The following CPVL variants were observed in gnomAD, a reference collection of about 807,000 sequenced individuals.
CPVL encodes the protein probable serine carboxypeptidase CPVL.
CPVL carries 51 observed loss-of-function variants against 63.7 expected under a neutral mutation model. That is an observed-to-expected ratio of 0.80 (90% confidence interval 0.64 to 1.01). The LOEUF is 1.01. Among genes scored for constraint, CPVL ranks in the 50% least tolerant of loss-of-function variants. The pLI is 0.00. For missense variants in CPVL, 530 were observed against 573.1 expected (o/e 0.92, Z 0.77); for synonymous variants, 195 against 206.0 (o/e 0.95, Z 0.46).
chr7:29,021,592 A>G (rs1476669376), intron 12 of CPVL, among the ~76,000 whole-genome samples: 1 of 152,118 alleles, frequency 6.6e-6, no homozygotes, highest in African/African-American at 2.4e-5. Flanking sequence ...AGAGATTCCC[A>G]GCAGTCAGCA....
At chr7:29,119,078 C>G (rs1789072966) in intron 2 of CPVL, among the ~76,000 whole-genome samples, 1 of 152,240 alleles carries the variant, frequency 6.6e-6, no homozygotes, top group African/African-American at 2.4e-5. Context: ...CTGCTCTTTG[C>G]AAACAGCTCC....
At chr7:29,034,848 T>C (rs1486971807) in intron 11 of CPVL, among the ~76,000 whole-genome samples, 1 of 98,614 alleles carries the variant, frequency 1.0e-5, no homozygotes, top group Admixed American at 9.9e-5. Context: ...AATGCTTTTA[T>C]AATGGAAAAA....
chr7:29,123,719 TCC>T (rs58339273), intron 1 of CPVL, among the ~76,000 whole-genome samples: 2,619 of 132,748 alleles, frequency 0.02, 109 homozygotes, highest in African/African-American at 0.071. Flanking sequence ...TTTTTTTTTT[TCC>T]CCTGGGGACA....
intron 7 of CPVL, among the ~76,000 whole-genome samples, chr7:29,082,169 C>T (rs1784787522): frequency 6.6e-6 from 1 of 150,988 alleles, no homozygotes; most frequent in Non-Finnish European, 1.5e-5. Context: ...TGTGTGGTGG[C>T]AGCAGCGAGA....
chr7:29,074,335 G>C lies in CPVL; in HGVS notation c.610-1912C>G, dbSNP rs535597595. Among the ~76,000 whole-genome samples the C allele has an allele frequency of 6.6e-5, 10 of 152,274 alleles. No individual in the cohort carries two copies. The South Asian group carries it at 2.1e-3, about 32-fold the overall frequency. On this transcript the variant is annotated intron_variant, in intron 7 of 12. Coordinates refer to ENST00000265394, the MANE Select transcript of CPVL (RefSeq NM_031311.5). Reference sequence around the variant, plus strand: ...GCTTCCTTGTGTAATATAAAGGTGTGTTCATATGTCTGAAATTTGGTTTGT... The same window carrying C: ...GCTTCCTTGTGTAATATAAAGGTGTCTTCATATGTCTGAAATTTGGTTTGT...
Position 29,112,689 on chromosome 7 carries a change from C to G in CPVL, c.288+15G>C, listed in dbSNP as rs752889555. 8 of 1,569,164 alleles carry G rather than the reference C, an allele frequency of 5.1e-6. No homozygotes were observed. The African/African-American group carries it at 8.1e-5, about 16-fold the overall frequency. On this transcript the variant is annotated intron_variant, in intron 3 of 12. Coordinates refer to ENST00000265394, the MANE Select transcript of CPVL (RefSeq NM_031311.5). ...CAGGTCTTGAACACTGGTGTTCTTT[C>G]TGTTGGGCACCTACCTGAGCTGGGA...
At chr7:29,188,541 T>A (rs535088624) in intron 1 of CPVL, among the ~76,000 whole-genome samples, 118 of 151,904 alleles carry the variant, frequency 7.8e-4, no homozygotes, top group South Asian at 8.3e-4. Flanking sequence ...ATTTTTTTTT[T>A]AAAAAAAAGA....
At chr7:29,023,386 G>C (rs1396779661) in intron 12 of CPVL, among the ~76,000 whole-genome samples, 1 of 152,140 alleles carries the variant, frequency 6.6e-6, no homozygotes, top group African/African-American at 2.4e-5. Context: ...AAAACCATCA[G>C]ATCTCACAAG....
chr7:29,109,558 C>G (rs1234269184), intron 3 of CPVL, among the ~76,000 whole-genome samples: 2 of 152,164 alleles, frequency 1.3e-5, no homozygotes, highest in Non-Finnish European at 2.9e-5. Context: ...TAATTTATAG[C>G]CAGAAGCCTC....
chr7:29,134,920 T>C (rs1038367056), intron 1 of CPVL, among the ~76,000 whole-genome samples: 1 of 151,836 alleles, frequency 6.6e-6, no homozygotes, highest in Non-Finnish European at 1.5e-5. Flanking sequence ...GGCAACATAA[T>C]GAAATTTCAT....
At chr7:29,082,926 G>A (rs1321409500) in intron 7 of CPVL, among the ~76,000 whole-genome samples, 3 of 152,172 alleles carry the variant, frequency 2.0e-5, no homozygotes, top group African/African-American at 7.2e-5. Context: ...CCACTCTTCT[G>A]TGGGAGGTGG....
chr7:29,033,685 T>C (rs975134032), intron 11 of CPVL, among the ~76,000 whole-genome samples: 4 of 152,182 alleles, frequency 2.6e-5, no homozygotes, highest in African/African-American at 4.8e-5. Flanking sequence ...TCAATAGTGA[T>C]TGGAACAAAA....
chr7:29,032,577 T>C (rs947383272), intron 11 of CPVL, among the ~76,000 whole-genome samples: 1 of 152,342 alleles, frequency 6.6e-6, no homozygotes, highest in East Asian at 1.9e-4. Context: ...TTAGTACCAG[T>C]GAACAAGACT....
At chr7:29,139,786 T>C (rs1248889064) in intron 1 of CPVL, among the ~76,000 whole-genome samples, 2 of 152,102 alleles carry the variant, frequency 1.3e-5, no homozygotes, top group Non-Finnish European at 2.9e-5. Flanking sequence ...CGGTTCATTC[T>C]CCTGCCAGCC....
chr7:29,070,198 G>A (rs182979520), intron 9 of CPVL, among the ~76,000 whole-genome samples: 21 of 152,256 alleles, frequency 1.4e-4, no homozygotes, highest in African/African-American at 3.4e-4. Flanking sequence ...TGACGTATCC[G>A]GTTTGGGAGA....
chr7:29,011,036 CA>C (rs1488060446), intron 12 of CPVL: 1 of 152,138 alleles, frequency 6.6e-6, no homozygotes, highest in East Asian at 1.9e-4. Flanking sequence ...AATATGGTAA[CA>C]AAAGTAGTTA....
chr7:29,075,086 A>G (rs1784112550), intron 7 of CPVL, among the ~76,000 whole-genome samples: 1 of 152,036 alleles, frequency 6.6e-6, no homozygotes, highest in Non-Finnish European at 1.5e-5. Context: ...TATCACTCCA[A>G]TTTTCTTGTT....
intron 2 of CPVL, among the ~76,000 whole-genome samples, chr7:29,119,164 C>T (rs1789080430): frequency 1.3e-5 from 2 of 152,172 alleles, no homozygotes; most frequent in African/African-American, 2.4e-5. Flanking sequence ...CATTTACTCG[C>T]ACAGTGATTA....
intron 5 of CPVL, among the ~76,000 whole-genome samples, chr7:29,174,416 C>A (rs1287113289): frequency 6.6e-6 from 1 of 152,142 alleles, no homozygotes; most frequent in Non-Finnish European, 1.5e-5. Context: ...CAGTACATAG[C>A]CAAGGTCTGC....
Sources: allele counts gnomAD v4.1 joint callset (sites outside exome capture counted in the v4.1 genomes callset), GRCh38; gene constraint gnomAD v4.1.1; transcripts MANE v1.5; gene names NCBI Gene and HGNC (gene_info 2026-07-23, HGNC 2026-07-21).